Variants in DCAF8L1 observed in about 807,000 individuals in gnomAD.
DCAF8L1 encodes the protein DDB1 and CUL4 associated factor 8 like 1.
For missense variants in DCAF8L1, 434 were observed against 481.6 expected (o/e 0.90, Z 0.92); for synonymous variants, 217 against 186.8 (o/e 1.16, Z -1.32).
In DCAF8L1 at chrX:27,979,541, T is replaced by C. The variant is rs773291515; in HGVS notation, c.1794A>G (p.Ile598Met). 11 of 1,200,108 alleles carry C rather than the reference T, an allele frequency of 9.2e-6. No individual in the cohort carries two copies. In the African/African-American group the frequency reaches 1.9e-4, roughly 21 times the overall value. ...EEEGQDRVQCIPS is the reference protein window; with the variant it reads ...EEEGQDRVQCMPS The stretch of plus-strand genomic sequence containing the variant: ...ACTGGATATGAGGCCTTCAGGATGG[T>C]ATGCACTGCACTCGATCTTGGCCCT... The change falls in exon 1 of 1, where the codon ATA becomes ATG. Residue 598 changes from isoleucine to methionine, a missense_variant. Transcript: ENST00000441525.
At position 27,979,783 on chromosome X, in the gene DCAF8L1, G is replaced by T. The variant is rs1926598245; in HGVS notation, c.1552C>A (p.Leu518Ile). ...WTPTAKTATE[L>I]TGLKDVIKKN... Reference sequence around the variant, plus strand: ...TTAATCACATCTTTTAACCCAGTAAGCTCAGTGGCAGTTTTAGCTGTGGGT... The same window carrying T: ...TTAATCACATCTTTTAACCCAGTAATCTCAGTGGCAGTTTTAGCTGTGGGT... The change falls in exon 1 of 1, where the codon CTT (leucine) becomes ATT (isoleucine). Residue 518 changes from leucine (L) to isoleucine (I), a missense_variant. Coordinates refer to ENST00000441525, the MANE Select transcript of DCAF8L1 (RefSeq NM_001017930.2). 1 of 1,210,714 alleles carries T rather than the reference G, an allele frequency of 8.3e-7. No individual in the cohort carries two copies. Among genetic ancestry groups the T allele is most frequent in the Non-Finnish European group, 1.1e-6 (1 of 895,121 alleles).
In DCAF8L1 at chrX:27,981,379, A is replaced by G; in HGVS notation, c.-45T>C. On this transcript the variant is annotated 5_prime_UTR_variant, in exon 1 of 1. Coordinates refer to ENST00000441525, the MANE Select transcript of DCAF8L1 (RefSeq NM_001017930.2). ...AGCTGATCTGGAACTGGAAAAGCCA[A>G]CCCCTAAAAGCTCAGGGAAGAGAGC... 4 of 1,181,138 alleles carry G rather than the reference A, an allele frequency of 3.4e-6. No homozygotes were observed. Among genetic ancestry groups the G allele is most frequent in the Non-Finnish European group, 4.5e-6 (4 of 879,741 alleles).
Position 27,979,091 on chromosome X carries a change from CA to C in DCAF8L1, c.*440del, listed in dbSNP as rs1308487067. On this transcript the variant is annotated 3_prime_UTR_variant, in exon 1 of 1. Coordinates refer to ENST00000441525, the MANE Select transcript of DCAF8L1 (RefSeq NM_001017930.2). Reference sequence around the variant, plus strand: ...TGGCCAAGTGTTAGGAATTAATCTACACACTACTTCTCTTTTCCTTTTCTGA... The same window carrying C: ...TGGCCAAGTGTTAGGAATTAATCTACCACTACTTCTCTTTTCCTTTTCTGA... 3.3e-4 allele frequency: 107 copies of C among 321,569 alleles called. 1 individual carries two copies. The East Asian group carries it at 5.4e-3, about 16-fold the overall frequency. The allele number at this position is 321,569 out of a possible 1,213,427, so 26.5% of individuals were successfully genotyped here. A position where few individuals can be genotyped will look rare whatever the true frequency, so the allele number is the denominator to read the frequency against.
In DCAF8L1 at chrX:27,980,366, T is replaced by G. The variant is rs1396551466; in HGVS notation, c.969A>C (p.Ser323=). The change falls in exon 1 of 1, where the codon TCA becomes TCC. Residue 323 remains serine (S), a synonymous_variant. Transcript: ENST00000441525. ...CATTTTCTCTTGTTACCACAACTTT[T>G]GAAGCTGGCCGGTCTTGCCTGAGGT... is the stretch of plus-strand genomic sequence containing the variant. ...TIDLRQDRPA[S]KVVVTRENDK... The G allele has an allele frequency of 1.6e-6, 2 of 1,212,202 alleles. No individual in the cohort carries two copies. The highest frequency in any genetic ancestry group is 2.2e-6 in the Non-Finnish European group (2 of 895,616).
rs755400466 is a variant in DCAF8L1 at position 27,979,757 on chromosome X, C to T, written c.1578G>A (p.Lys526=). 8.3e-7 allele frequency: 1 copy of T among 1,210,562 alleles called. No individual in the cohort carries two copies. Among genetic ancestry groups the T allele is most frequent in the African/African-American group, 1.7e-5 (1 of 57,765 alleles). The part of the protein sequence containing the change: ...TELTGLKDVI[K]KNKQERDEDN... The stretch of plus-strand genomic sequence containing the variant: ...CTTCATCTCGCTCCTGCTTGTTCTT[C>T]TTAATCACATCTTTTAACCCAGTAA... Residue 526 remains lysine (K), a synonymous_variant, in exon 1 of 1, where the codon AAG becomes AAA. Transcript: ENST00000441525.
chrX:27,980,868 T>C lies in DCAF8L1; in HGVS notation c.467A>G (p.Gln156Arg). ...ETSALPRSRW[Q>R]VLTALRQRQL... ...CCGCTGGCGAAGAGCAGTAAGGACT[T>C]GCCAGCGAGATCGGGGCAGGGCAGA... Residue 156 changes from glutamine (Q) to arginine (R), a missense_variant, in exon 1 of 1, where the codon CAA (glutamine) becomes CGA (arginine). Gln to Arg is a conservative substitution (Grantham distance 43). Transcript: ENST00000441525. The C allele has an allele frequency of 8.3e-7, 1 of 1,211,367 alleles. No individual in the cohort carries two copies. Among genetic ancestry groups the C allele is most frequent in the Non-Finnish European group, 1.1e-6 (1 of 895,234 alleles).
chrX:27,981,357 T>A lies in DCAF8L1; in HGVS notation c.-23A>T. 2.5e-6 allele frequency: 3 copies of A among 1,194,194 alleles called. No individual in the cohort carries two copies. Among genetic ancestry groups the A allele is most frequent in the Non-Finnish European group, 3.4e-6 (3 of 886,048 alleles). On this transcript the variant is annotated 5_prime_UTR_variant, in exon 1 of 1. Coordinates refer to ENST00000441525, the MANE Select transcript of DCAF8L1 (RefSeq NM_001017930.2). ...CATCTCGAACGATGTTTGCTGTAGC[T>A]GATCTGGAACTGGAAAAGCCAACCC...
chrX:27,980,925 T>G lies in DCAF8L1; in HGVS notation c.410A>C (p.Gln137Pro), dbSNP rs761760730. 6.2e-5 allele frequency: 75 copies of G among 1,210,232 alleles called. No homozygotes were observed. The highest frequency in any genetic ancestry group is 7.5e-5 in the Non-Finnish European group (67 of 895,260). ...NHDQCLLDEDQALEEWISSET... is the reference protein window; with the variant it reads ...NHDQCLLDEDPALEEWISSET... ...TGAGGAAATCCACTCCTCCAACGCC[T>G]GATCCTCGTCTAACAAACACTGATC... Residue 137 changes from glutamine (Q) to proline (P), a missense_variant, in exon 1 of 1, where the codon CAG (glutamine) becomes CCG (proline). Coordinates refer to ENST00000441525, the MANE Select transcript of DCAF8L1 (RefSeq NM_001017930.2).
In DCAF8L1 at chrX:27,980,921, C is replaced by G; in HGVS notation, c.414G>C (p.Ala138=). 8.3e-7 allele frequency: 1 copy of G among 1,211,750 alleles called. No homozygotes were observed. The highest frequency in any genetic ancestry group is 2.3e-4 in the Middle Eastern group (1 of 4,355). ...HDQCLLDEDQ[A]LEEWISSETS... is the part of the protein sequence containing the mutation. ...TCTCTGAGGAAATCCACTCCTCCAACGCCTGATCCTCGTCTAACAAACACT... is the reference window on the plus strand; with the variant it reads ...TCTCTGAGGAAATCCACTCCTCCAAGGCCTGATCCTCGTCTAACAAACACT... Residue 138 remains alanine (A), a synonymous_variant, in exon 1 of 1, where the codon GCG becomes GCC. Transcript: ENST00000441525.
In DCAF8L1 at chrX:27,980,318, T is replaced by G; in HGVS notation, c.1017A>C (p.Thr339=). The G allele has an allele frequency of 8.3e-7, 1 of 1,212,072 alleles. No individual in the cohort carries two copies. The change falls in exon 1 of 1, where the codon ACA becomes ACC. Residue 339 remains threonine (T), a synonymous_variant. Transcript: ENST00000441525. The part of the protein sequence containing the change: ...RENDKKVGLY[T]ISMNPANIYQ... ...AAATATTGGCAGGATTCATAGAGAT[T>G]GTATACAGTCCGACTTTCTTATCAT...
In DCAF8L1 at chrX:27,981,441, T is replaced by G; in HGVS notation, c.-107A>C. 9.6e-7 allele frequency: 1 copy of G among 1,039,535 alleles called. No individual in the cohort carries two copies. The highest frequency in any genetic ancestry group is 1.3e-6 in the Non-Finnish European group (1 of 775,921). 85.7% of individuals were successfully genotyped at this position (1,039,535 alleles called of 1,213,427 possible). On this transcript the variant is annotated 5_prime_UTR_variant, in exon 1 of 1. Coordinates refer to ENST00000441525, the MANE Select transcript of DCAF8L1 (RefSeq NM_001017930.2). The stretch of plus-strand genomic sequence containing the variant: ...GAGGACGGACGGTCGGAGAAGGCAG[T>G]AGGTAAGCAGCAAAGAGACACCAAT...
chrX:27,979,767 T>C lies in DCAF8L1; in HGVS notation c.1568A>G (p.Asp523Gly), dbSNP rs1926597810. 3 of 1,210,415 alleles carry C rather than the reference T, an allele frequency of 2.5e-6. No homozygotes were observed. The highest frequency in any genetic ancestry group is 3.4e-6 in the Non-Finnish European group (3 of 894,930). ...KTATELTGLK[D>G]VIKKNKQERD... is the part of the protein sequence containing the mutation. The stretch of plus-strand genomic sequence containing the variant: ...CTCCTGCTTGTTCTTCTTAATCACA[T>C]CTTTTAACCCAGTAAGCTCAGTGGC... Residue 523 changes from aspartate (D) to glycine (G), a missense_variant, in exon 1 of 1, where the codon GAT becomes GGT. By Grantham distance (94) the Asp-to-Gly change is moderately conservative. Transcript: ENST00000441525.
Position 27,978,429 on chromosome X carries a change from T to C in DCAF8L1, c.*1103A>G, listed in dbSNP as rs1239859183. ...AAACAATTTTTATTGCAACTTATTCTTAAAAGTTAATTAAAATAAATGTTT... is the reference window on the plus strand; with the variant it reads ...AAACAATTTTTATTGCAACTTATTCCTAAAAGTTAATTAAAATAAATGTTT... On this transcript the variant is annotated 3_prime_UTR_variant, in exon 1 of 1. Coordinates refer to ENST00000441525, the MANE Select transcript of DCAF8L1 (RefSeq NM_001017930.2). 3 of 113,028 alleles carry C rather than the reference T, an allele frequency of 2.7e-5. No individual in the cohort carries two copies. The highest frequency in any genetic ancestry group is 9.7e-5 in the African/African-American group (3 of 31,078). The allele number at this position is 113,028 out of a possible 1,213,427, so 9.3% of individuals were successfully genotyped here.
Position 27,978,833 on chromosome X carries a change from C to T in DCAF8L1, c.*699G>A. ...TGTGCCATCGTGGCTGTACACAATG[C>T]AGGTGATGTTTGTTGGAAAATCACA... On this transcript the variant is annotated 3_prime_UTR_variant, in exon 1 of 1. Transcript: ENST00000441525. 1.1e-6 allele frequency: 1 copy of T among 921,449 alleles called. No individual in the cohort carries two copies. Among genetic ancestry groups the T allele is most frequent in the Non-Finnish European group, 1.6e-6 (1 of 643,028 alleles). The allele number at this position is 921,449 out of a possible 1,213,427, so 75.9% of individuals were successfully genotyped here. A position where few individuals can be genotyped will look rare whatever the true frequency, so the allele number is the denominator to read the frequency against.
At position 27,979,201 on chromosome X, in the gene DCAF8L1, T is replaced by G. The variant is rs183221297; in HGVS notation, c.*331A>C. 1 of 270,516 alleles carries G rather than the reference T, an allele frequency of 3.7e-6. No homozygotes were observed. The highest frequency in any genetic ancestry group is 5.7e-5 in the East Asian group (1 of 17,440). The allele number at this position is 270,516 out of a possible 1,213,427, so 22.3% of individuals were successfully genotyped here. On this transcript the variant is annotated 3_prime_UTR_variant, in exon 1 of 1. Coordinates refer to ENST00000441525, the MANE Select transcript of DCAF8L1 (RefSeq NM_001017930.2). ...TAAAGAATAAACACGTTTATGAAAT[T>G]TTCAACTCAACTGAAGAACTTTATC...
At position 27,981,168 on chromosome X, in the gene DCAF8L1, T is replaced by A; in HGVS notation, c.167A>T (p.Asp56Val). Residue 56 changes from aspartate (D) to valine (V), a missense_variant, in exon 1 of 1, where the codon GAT becomes GTT. Physicochemically the swap from Asp to Val is radical, Grantham distance 152 (BLOSUM62 -3). Coordinates refer to ENST00000441525, the MANE Select transcript of DCAF8L1 (RefSeq NM_001017930.2). The stretch of plus-strand genomic sequence containing the variant: ...GCTGGCATCGTTCAGGAAACCACCA[T>A]CCCTGGTATCACCACCATCTCCGGT... Reference protein sequence around the residue: ...PSTGDGGDTRDGGFLNDASTE... With the variant: ...PSTGDGGDTRVGGFLNDASTE... 3.3e-6 allele frequency: 4 copies of A among 1,211,791 alleles called. No individual in the cohort carries two copies. The highest frequency in any genetic ancestry group is 4.5e-6 in the Non-Finnish European group (4 of 895,537).
At position 27,978,967 on chromosome X, in the gene DCAF8L1, G is replaced by A. The variant is rs148204863; in HGVS notation, c.*565C>T. The A allele has an allele frequency of 1.8e-5, 11 of 615,663 alleles. No homozygotes were observed. The highest frequency in any genetic ancestry group is 8.0e-5 in the Admixed American group (3 of 37,406). 50.7% of individuals were successfully genotyped at this position (615,663 alleles called of 1,213,427 possible). On this transcript the variant is annotated 3_prime_UTR_variant, in exon 1 of 1. Transcript: ENST00000441525. ...AAAACCGATCATGTCCACCCACTGC[G>A]AATTGGTAAATATTGGCAGGATTCA...
At position 27,979,922 on chromosome X, in the gene DCAF8L1, C is replaced by G; in HGVS notation, c.1413G>C (p.Gln471His). The change falls in exon 1 of 1, where the codon CAG becomes CAC. Residue 471 changes from glutamine to histidine, a missense_variant. By Grantham distance (24) the Gln-to-His change is conservative. Transcript: ENST00000441525. Reference protein sequence around the residue: ...HVFFWEKSSSQIIQFMEGDRG... With the variant: ...HVFFWEKSSSHIIQFMEGDRG... ...TGTCCCCCTCCATGAACTGGATGAT[C>G]TGGGAGGATGATTTCTCCCAGAAGA... 1 of 1,210,272 alleles carries G rather than the reference C, an allele frequency of 8.3e-7. No individual in the cohort carries two copies. Among genetic ancestry groups the G allele is most frequent in the African/African-American group, 1.7e-5 (1 of 57,554 alleles).
chrX:27,981,338 G>C lies in DCAF8L1; in HGVS notation c.-4C>G, dbSNP rs909260045. The C allele has an allele frequency of 5.0e-6, 6 of 1,199,918 alleles. No homozygotes were observed. The highest frequency in any genetic ancestry group is 6.7e-6 in the Non-Finnish European group (6 of 889,853). Reference sequence around the variant, plus strand: ...TGCTGCCCTCTTGGTGGGACATCTCGAACGATGTTTGCTGTAGCTGATCTG... The same window carrying C: ...TGCTGCCCTCTTGGTGGGACATCTCCAACGATGTTTGCTGTAGCTGATCTG... On this transcript the variant is annotated 5_prime_UTR_variant, in exon 1 of 1. Coordinates refer to ENST00000441525, the MANE Select transcript of DCAF8L1 (RefSeq NM_001017930.2).
Sources: gnomAD v4.1 joint callset for allele counts on GRCh38, gnomAD v4.1.1 for gene constraint, MANE v1.5 for transcripts, NCBI Gene and HGNC (gene_info 2026-07-23, HGNC 2026-07-21) for gene names.